The following NOTCH4 variants were observed in gnomAD, a reference collection of about 807,000 sequenced individuals.
NOTCH4 encodes notch receptor 4.
In NOTCH4, 138 loss-of-function variants were observed where a neutral mutation model predicts 189.0. The ratio of observed to expected loss-of-function variants is 0.73; its 90% confidence interval spans 0.64 to 0.84. The LOEUF (loss-of-function observed/expected upper bound fraction) is 0.84, where lower values mean the gene tolerates loss of function less well. Among genes scored for constraint, NOTCH4 ranks in the 40% least tolerant of loss-of-function variants. The pLI is 0.00. For synonymous variants in NOTCH4, 942 were observed against 1,032.8 expected (o/e 0.91, Z 1.69); for missense variants, 2,286 against 2,605.4 (o/e 0.88, Z 2.67).
In NOTCH4 at chr6:32,198,951, G is replaced by C; in HGVS notation, c.4510C>G (p.Leu1504Val). Residue 1504 changes from leucine to valine, a missense_variant, in exon 24 of 30, where the codon CTA becomes GTA. Transcript: ENST00000375023. The surrounding 1 kb of genome is among the most constrained non-coding windows in gnomAD (Gnocchi z 5.5). ...QSAPHRRRPP[L>V]GEDSIGLKAL... ...TTGAGACCAATGCTGTCCTCGCCTA[G>C]TGGGGGCCGGCGTCGGTGGGGAGCT... 6.3e-7 allele frequency: 1 copy of C among 1,594,848 alleles called. No homozygotes were observed. Among genetic ancestry groups the C allele is most frequent in the African/African-American group, 1.3e-5 (1 of 74,548 alleles).
At position 32,202,783 on chromosome 6, in the gene NOTCH4, C is replaced by T. The variant is rs906493265; in HGVS notation, c.3232-184G>A. ...AACCATGTCCTGTGGTAATTTCACA[C>T]AATGACATATTACATTCTGTTGAAA... On this transcript the variant is annotated intron_variant, in intron 20 of 29. Transcript: ENST00000375023. This position sits in a 1 kb window ranked among gnomAD's most constrained non-coding sequence, Gnocchi z 5.7. 1.1e-5 allele frequency: 6 copies of T among 565,652 alleles called. No individual in the cohort carries two copies. The African/African-American group carries it at 1.1e-4, about 11-fold the overall frequency. 35.0% of individuals were successfully genotyped at this position (565,652 alleles called of 1,614,324 possible).
intron 18 of NOTCH4, among the ~76,000 whole-genome samples, chr6:32,205,547 C>CAAAAAAAAA (rs9281672): frequency 5.2e-4 from 27 of 52,122 alleles, no homozygotes; most frequent in East Asian, 1.3e-3. Flanking sequence ...GATGCTGTCT[C>CAAAAAAAAA]AAAAAAAAAA....
chr6:32,202,323 A>G lies in NOTCH4; in HGVS notation c.3508T>C (p.Cys1170Arg). Residue 1170 changes from cysteine (C) to arginine (R), a missense_variant, in exon 21 of 30, where the codon TGT becomes CGT. Coordinates refer to ENST00000375023, the MANE Select transcript of NOTCH4 (RefSeq NM_004557.4). This position sits in a 1 kb window ranked among gnomAD's most constrained non-coding sequence, Gnocchi z 5.7. ...SCPHSSPGPR[C>R]QKPGAKGCEG... ...CACCCCTTGGCTCCGGGTTTCTGACACCGGGGCCCTGGAGAGCTGTGAGGG... is the reference window on the plus strand; with the variant it reads ...CACCCCTTGGCTCCGGGTTTCTGACGCCGGGGCCCTGGAGAGCTGTGAGGG... 1 of 1,612,740 alleles carries G rather than the reference A, an allele frequency of 6.2e-7. No individual in the cohort carries two copies. Among genetic ancestry groups the G allele is most frequent in the Non-Finnish European group, 8.5e-7 (1 of 1,179,860 alleles).
In NOTCH4 at chr6:32,201,373, G is replaced by T. The variant is rs1341686766; in HGVS notation, c.3883C>A (p.Pro1295Thr). 6.3e-7 allele frequency: 1 copy of T among 1,594,856 alleles called. No homozygotes were observed. The change falls in exon 22 of 30, where the codon CCC (proline) becomes ACC (threonine). Residue 1295 changes from proline (P) to threonine (T), a missense_variant. Physicochemically the swap from Pro to Thr is conservative, Grantham distance 38. Transcript: ENST00000375023. This position sits in a 1 kb window ranked among gnomAD's most constrained non-coding sequence, Gnocchi z 5.5. The part of the protein sequence containing the change: ...RPEDGDPEWG[P>T]SLALLVVLSP... ...AGTACCACCAGCAGGGCCAGGGAGG[G>T]CCCCCACTCTGGGTCCCCATCTTCA...
At chr6:32,209,939 C>T (rs1171277864) in intron 18 of NOTCH4, among the ~76,000 whole-genome samples, 1 of 151,394 alleles carries the variant, frequency 6.6e-6, no homozygotes, top group Non-Finnish European at 1.5e-5. Flanking sequence ...CCCATAGATA[C>T]GTATGACTAC....
rs748207247 is a variant in NOTCH4, at chr6:32,213,138, T to A, written c.2435A>T (p.Asp812Val). 8 of 1,612,340 alleles carry A rather than the reference T, an allele frequency of 5.0e-6. No homozygotes were observed. The South Asian group carries it at 7.7e-5, about 16-fold the overall frequency. ...GGGGTCTTTGGGCCCTGCTCACCTG[T>A]CTGCACAGCTGGGGCGGAGCTTTCC... The part of the protein sequence containing the change: ...CEGKLRPSCA[D>V]SPCRNRATCQ... The change falls in exon 15 of 30, where the codon GAC (aspartate) becomes GTC (valine). Residue 812 changes from aspartate (D) to valine (V), a missense_variant. This residue lies in a region of NOTCH4 where 1,903 missense variants were observed against 2,261.9 expected (regional missense o/e 0.84). Coordinates refer to ENST00000375023, the MANE Select transcript of NOTCH4 (RefSeq NM_004557.4).
At position 32,195,263 on chromosome 6, in the gene NOTCH4, C is replaced by T; in HGVS notation, c.*174G>A. 1.6e-6 allele frequency: 1 copy of T among 643,906 alleles called. No homozygotes were observed. Among genetic ancestry groups the T allele is most frequent in the Non-Finnish European group, 2.6e-6 (1 of 385,740 alleles). The allele number at this position is 643,906 out of a possible 1,614,324, so 39.9% of individuals were successfully genotyped here. A position where few individuals can be genotyped will look rare whatever the true frequency, so the allele number is the denominator to read the frequency against. On this transcript the variant is annotated 3_prime_UTR_variant, in exon 30 of 30. Coordinates refer to ENST00000375023, the MANE Select transcript of NOTCH4 (RefSeq NM_004557.4). The surrounding 1 kb of genome is among the most constrained non-coding windows in gnomAD (Gnocchi z 5.4). ...AGCATCTTAAACCCTCTTTCCAGAGCTGCAGCTTCTCCACGTGGAAGATGT... is the reference window on the plus strand; with the variant it reads ...AGCATCTTAAACCCTCTTTCCAGAGTTGCAGCTTCTCCACGTGGAAGATGT...
Position 32,195,131 on chromosome 6 carries a change from C to T in NOTCH4, c.*306G>A, listed in dbSNP as rs1026447202. ...ATATATAGGAAAGAACATCTTACAT[C>T]CCATATGCCTGCAATTCTTGGTTCC... On this transcript the variant is annotated 3_prime_UTR_variant, in exon 30 of 30. Coordinates refer to ENST00000375023, the MANE Select transcript of NOTCH4 (RefSeq NM_004557.4). The surrounding 1 kb of genome is among the most constrained non-coding windows in gnomAD (Gnocchi z 5.4). The T allele has an allele frequency of 8.3e-5, 35 of 423,358 alleles. No individual in the cohort carries two copies. The highest frequency in any genetic ancestry group is 6.6e-4 in the African/African-American group (33 of 49,892). The allele number at this position is 423,358 out of a possible 1,614,324, so 26.2% of individuals were successfully genotyped here. A position where few individuals can be genotyped will look rare whatever the true frequency, so the allele number is the denominator to read the frequency against.
At chr6:32,213,274 G>T in intron 14 of NOTCH4, 22 bp from the exon 15 acceptor site, 1 of 1,570,422 alleles carries the variant, frequency 6.4e-7, no homozygotes, top group Non-Finnish European at 8.8e-7. Context: ...AGGCTGTGAG[G>T]GTTTGGGTTC....
intron 2 of NOTCH4, 59 bp downstream of exon 2, chr6:32,222,946 C>G (rs1021949729): frequency 9.0e-6 from 14 of 1,549,722 alleles, no homozygotes; most frequent in African/African-American, 1.4e-5. Context: ...CTCACCTCTC[C>G]CCCCCTGCTC....
Position 32,213,796 on chromosome 6 carries a change from A to C in NOTCH4, c.2212T>G (p.Cys738Gly), listed in dbSNP as rs1335624981. The C allele has an allele frequency of 6.2e-7, 1 of 1,612,090 alleles. No individual in the cohort carries two copies. The highest frequency in any genetic ancestry group is 1.7e-5 in the Admixed American group (1 of 60,000). Residue 738 changes from cysteine (C) to glycine (G), a missense_variant, in exon 14 of 30, where the codon TGT (cysteine) becomes GGT (glycine). Coordinates refer to ENST00000375023, the MANE Select transcript of NOTCH4 (RefSeq NM_004557.4). The stretch of plus-strand genomic sequence containing the variant: ...GGGTTGCAGGAGCCGCCATTGAGAC[A>C]TGGCCCTGAGTGACAAGCTGTCATC... ...EEMTACHSGP[C>G]LNGGSCNPSP...
intron 27 of NOTCH4, 32 bp downstream of exon 27, chr6:32,197,267 C>T (rs749140039): frequency 1.3e-6 from 2 of 1,516,386 alleles, no homozygotes; most frequent in Admixed American, 4.2e-5. Flanking sequence ...AAGCTCGCCC[C>T]ATTCCCTGTA....
At chr6:32,207,732 C>T (rs1788777021) in intron 18 of NOTCH4, among the ~76,000 whole-genome samples, 1 of 150,214 alleles carries the variant, frequency 6.7e-6, no homozygotes, top group Non-Finnish European at 1.5e-5. Flanking sequence ...CTTGAAGCCA[C>T]TAAAAAAAAA....
chr6:32,219,406 T>C (rs1344394935), intron 8 of NOTCH4, among the ~76,000 whole-genome samples, 186 bp downstream of exon 8: 2 of 152,140 alleles, frequency 1.3e-5, no homozygotes, highest in Non-Finnish European at 2.9e-5. Flanking sequence ...CTCACTACCA[T>C]CTGTGGTAAC....
At position 32,201,183 on chromosome 6, in the gene NOTCH4, G is replaced by T; in HGVS notation, c.4073C>A (p.Thr1358Asn). The stretch of plus-strand genomic sequence containing the variant: ...TTGAGGGGCTGCTCTCTCCTGATAG[G>T]TGGGGTCCCGAGTTCCTCCTAGCTT... ...EEKLGGTRDP[T>N]YQERAAPQTQ... The change falls in exon 22 of 30, where the codon ACC becomes AAC. Residue 1358 changes from threonine to asparagine, a missense_variant. Around this residue, in one of 2 missense-constraint regions of NOTCH4, gnomAD observed 1,903 missense variants for 2,261.9 expected, o/e 0.84. Transcript: ENST00000375023. The surrounding 1 kb of genome is among the most constrained non-coding windows in gnomAD (Gnocchi z 5.5). The T allele has an allele frequency of 1.9e-6, 3 of 1,612,900 alleles. No homozygotes were observed. The highest frequency in any genetic ancestry group is 2.5e-6 in the Non-Finnish European group (3 of 1,179,936).
At chr6:32,218,615 A>G (rs982486296) in intron 8 of NOTCH4, among the ~76,000 whole-genome samples, 3 of 152,146 alleles carry the variant, frequency 2.0e-5, no homozygotes, top group African/African-American at 4.8e-5. Context: ...TTCATCCTGA[A>G]TTGAGGTGGG....
At chr6:32,216,771 G>A in intron 11 of NOTCH4, 174 bp downstream of exon 11, 1 of 818,340 alleles carries the variant, frequency 1.2e-6, no homozygotes, top group Admixed American at 2.1e-5. Context: ...GGTAACCCCT[G>A]CCCTTGTCCC....
chr6:32,212,756 G>A lies in NOTCH4; in HGVS notation c.2526+68C>T. On this transcript the variant is annotated intron_variant, in intron 16 of 29. Coordinates refer to ENST00000375023, the MANE Select transcript of NOTCH4 (RefSeq NM_004557.4). This position sits in a 1 kb window ranked among gnomAD's most constrained non-coding sequence, Gnocchi z 4.4. ...CCTTCTCCTGAATGGCCTGGGACCA[G>A]GTGACCCTCCCTGGTTTCCCTCCCA... 6.8e-7 allele frequency: 1 copy of A among 1,464,302 alleles called. No individual in the cohort carries two copies. Among genetic ancestry groups the A allele is most frequent in the East Asian group, 2.5e-5 (1 of 40,786 alleles). The allele number at this position is 1,464,302 out of a possible 1,614,324, so 90.7% of individuals were successfully genotyped here.
rs745902446 is a variant in NOTCH4, at chr6:32,201,259, G to T, written c.3997C>A (p.Arg1333Ser). ...LRVGLWVRKD[R>S]DGRDMVYPYP... ...GGGTACACCATGTCCCTGCCATCACGATCCTTCCTTACCCAGAGTCCTACC... is the reference window on the plus strand; with the variant it reads ...GGGTACACCATGTCCCTGCCATCACTATCCTTCCTTACCCAGAGTCCTACC... Residue 1333 changes from arginine to serine, a missense_variant, in exon 22 of 30, where the codon CGT becomes AGT. Arg to Ser is a moderately radical substitution (Grantham distance 110). Coordinates refer to ENST00000375023, the MANE Select transcript of NOTCH4 (RefSeq NM_004557.4). The surrounding 1 kb of genome is among the most constrained non-coding windows in gnomAD (Gnocchi z 5.5). The T allele has an allele frequency of 1.2e-6, 2 of 1,612,884 alleles. No homozygotes were observed. The highest frequency in any genetic ancestry group is 1.3e-5 in the African/African-American group (1 of 74,902).
Sources: allele counts gnomAD v4.1 joint callset (sites outside exome capture counted in the v4.1 genomes callset), GRCh38; gene constraint gnomAD v4.1.1; regional missense constraint gnomAD v4.1.1; non-coding constraint Gnocchi (gnomAD v3.1); transcripts MANE v1.5; gene names NCBI Gene and HGNC (gene_info 2026-07-23, HGNC 2026-07-21).